Variants in DDX17 observed in about 807,000 individuals in gnomAD.
DDX17 encodes probable ATP-dependent RNA helicase DDX17.
Under a neutral mutation model 80.8 loss-of-function variants are expected in DDX17, and 10 were observed. The observed-to-expected ratio is 0.12, with a 90% CI of 0.08 to 0.21. DDX17 has a LOEUF of 0.21. Among genes scored for constraint, DDX17 ranks in the 10% least tolerant of loss-of-function variants. The pLI is 1.00. For missense variants in DDX17, 586 were observed against 957.4 expected, an observed-to-expected ratio of 0.61 and a Z score of 5.12; for synonymous variants, 339 against 336.2, an observed-to-expected ratio of 1.01 and a Z score of -0.09.
At chr22:38,503,093 G>A (rs2089846558) in intron 1 of DDX17, among the ~76,000 whole-genome samples, 1 of 152,116 alleles carries the variant, frequency 6.6e-6, no homozygotes, top group Non-Finnish European at 1.5e-5. Context: ...AGACAGTGAA[G>A]ACAAATTAAG....
Position 38,498,426 on chromosome 22 carries a change from T to C in DDX17, c.672+14A>G. On this transcript the variant is annotated intron_variant, in intron 4 of 12. Transcript: ENST00000403230. ...TTACCACAATATCAAGGATCTTCTC[T>C]TGCTCATACATACCGCCAACGTCTT... 6.2e-7 allele frequency: 1 copy of C among 1,613,888 alleles called. No homozygotes were observed. Among genetic ancestry groups the C allele is most frequent in the Non-Finnish European group, 8.5e-7 (1 of 1,179,822 alleles).
chr22:38,498,718 G>A (rs535225757), intron 3 of DDX17, 145 bp from the exon 4 acceptor site: 4 of 837,546 alleles, frequency 4.8e-6, no homozygotes, highest in East Asian at 2.7e-5. Context: ...CTAGATCTCC[G>A]ACCAACTCAC....
At chr22:38,490,534 G>A in intron 11 of DDX17, 1 of 1,037,992 alleles carries the variant, frequency 9.6e-7, no homozygotes, top group Non-Finnish European at 1.3e-6. Context: ...CCAGTGGAAA[G>A]GGAAGTGGTA....
intron 1 of DDX17, 38 bp downstream of exon 1, chr22:38,505,913 C>A: frequency 6.5e-7 from 1 of 1,530,430 alleles, no homozygotes; most frequent in Non-Finnish European, 8.8e-7. Flanking sequence ...ACTCCCCCAC[C>A]CCCACGCCAG....
chr22:38,492,509 G>A (rs2089723363), intron 10 of DDX17, among the ~76,000 whole-genome samples: 1 of 151,924 alleles, frequency 6.6e-6, no homozygotes, highest in Admixed American at 6.6e-5. Flanking sequence ...TTTTTGAGAT[G>A]GAGTTTCGCT....
chr22:38,487,116 C>G (rs2089667442), intron 12 of DDX17, among the ~76,000 whole-genome samples: 2 of 150,648 alleles, frequency 1.3e-5, no homozygotes, highest in South Asian at 4.2e-4. Flanking sequence ...TGAAGTGAGC[C>G]GAGATCGTGC....
chr22:38,498,177 C>T lies in DDX17; in HGVS notation c.673-27G>A, dbSNP rs149266326. On this transcript the variant is annotated intron_variant, in intron 4 of 12. Coordinates refer to ENST00000403230, the MANE Select transcript of DDX17 (RefSeq NM_006386.5). ...TGTGGAGGGGGGAAAGAATGACAAC[C>T]TTACGCTTAGAAGTACAATCTTACT... The T allele has an allele frequency of 5.1e-4, 826 of 1,608,332 alleles. 6 individuals are homozygous for T. The African/African-American group carries it at 0.01, about 20-fold the overall frequency.
At chr22:38,505,578 G>A (rs559573966) in intron 1 of DDX17, 3 of 228,270 alleles carry the variant, frequency 1.3e-5, no homozygotes, top group South Asian at 1.2e-4. Flanking sequence ...CCGAGGCCTG[G>A]AGACATCGAA....
Position 38,502,141 on chromosome 22 carries a change from T to C in DDX17, c.288-861A>G, listed in dbSNP as rs536805874. On this transcript the variant is annotated intron_variant, in intron 1 of 12. Coordinates refer to ENST00000403230, the MANE Select transcript of DDX17 (RefSeq NM_006386.5). ...AAAGAGCTGAGCCTGCCGGGGGCAG[T>C]GGCTCAGTCCTGTAATCCCAGCACT... is the stretch of plus-strand genomic sequence containing the variant. 2.6e-5 allele frequency among the ~76,000 whole-genome samples: 4 copies of C among 152,374 alleles called. No homozygotes were observed. In the South Asian group the frequency reaches 6.2e-4, roughly 24 times the overall value.
intron 6 of DDX17, among the ~76,000 whole-genome samples, 172 bp downstream of exon 6, chr22:38,495,624 C>T (rs1291878821): frequency 6.6e-6 from 1 of 152,146 alleles, no homozygotes; most frequent in East Asian, 1.9e-4. Flanking sequence ...ACAAAGTTTC[C>T]AGCCATGCTG....
In DDX17 at chr22:38,496,039, G is replaced by A. The variant is rs912036403; in HGVS notation, c.739-102C>T. 26 of 1,092,628 alleles carry A rather than the reference G, an allele frequency of 2.4e-5. No homozygotes were observed. The African/African-American group carries it at 2.4e-4, about 10-fold the overall frequency. The allele number at this position is 1,092,628 out of a possible 1,614,324, so 67.7% of individuals were successfully genotyped here. A position where few individuals can be genotyped will look rare whatever the true frequency, so the allele number is the denominator to read the frequency against. On this transcript the variant is annotated intron_variant, in intron 5 of 12. Coordinates refer to ENST00000403230, the MANE Select transcript of DDX17 (RefSeq NM_006386.5). ...CAAAAAGCTAATTTAATTCTTTGCT[G>A]TCTAATCTAGCACATTAAAAGTGAT...
At chr22:38,490,205 T>C (rs527598383) in intron 11 of DDX17, 1 of 1,205,046 alleles carries the variant, frequency 8.3e-7, no homozygotes, top group South Asian at 1.5e-5. Context: ...AATATTATCT[T>C]GCTGCCTTTC....
At chr22:38,495,189 C>A (rs1285685939) in intron 6 of DDX17, 143 bp from the exon 7 acceptor site, 1 of 709,796 alleles carries the variant, frequency 1.4e-6, no homozygotes. Context: ...GACCCCGACT[C>A]TACAAAAATG....
intron 8 of DDX17, 41 bp from the exon 9 acceptor site, chr22:38,494,172 T>A: frequency 3.7e-6 from 5 of 1,342,910 alleles, no homozygotes; most frequent in Non-Finnish European, 5.3e-6. Flanking sequence ...CACAGAAAGT[T>A]ATTATGTGGA....
At position 38,506,070 on chromosome 22, in the gene DDX17, T is replaced by G; in HGVS notation, c.168A>C (p.Arg56Ser). Reference sequence around the variant, plus strand: ...GGCTCGGGAGGGCCTGCGGCTCCGGTCTGGTGACGACCGATGGCGGCGGCG... The same window carrying G: ...GGCTCGGGAGGGCCTGCGGCTCCGGGCTGGTGACGACCGATGGCGGCGGCG... Residue 56 changes from arginine to serine, a missense_variant, in exon 1 of 13, where the codon AGA becomes AGC. By Grantham distance (110) the Arg-to-Ser change is moderately radical. Coordinates refer to ENST00000403230, the MANE Select transcript of DDX17 (RefSeq NM_006386.5). The G allele has an allele frequency of 6.3e-7, 1 of 1,584,682 alleles. No individual in the cohort carries two copies. Among genetic ancestry groups the G allele is most frequent in the Non-Finnish European group, 8.6e-7 (1 of 1,166,514 alleles).
intron 2 of DDX17, 29 bp from the exon 3 acceptor site, chr22:38,499,528 A>T: frequency 6.6e-7 from 1 of 1,514,896 alleles, no homozygotes; most frequent in Non-Finnish European, 9.2e-7. Flanking sequence ...AGAAGTTAGT[A>T]AACTAGTTAT....
rs1001267237 is a variant in DDX17, at chr22:38,490,058, C to T, written c.1448-1943G>A. The stretch of plus-strand genomic sequence containing the variant: ...CTAGAAGGGGGTGCTCAATAGAGGG[C>T]AGACATGATGCAAGTTCTTCATACT... On this transcript the variant is annotated intron_variant, in intron 11 of 12. Coordinates refer to ENST00000403230, the MANE Select transcript of DDX17 (RefSeq NM_006386.5). 76 of 1,067,546 alleles carry T rather than the reference C, an allele frequency of 7.1e-5. No individual in the cohort carries two copies. In the African/African-American group the frequency reaches 1.2e-3, roughly 17 times the overall value. The allele number at this position is 1,067,546 out of a possible 1,614,324, so 66.1% of individuals were successfully genotyped here.
At position 38,483,611 on chromosome 22, in the gene DDX17, G is replaced by C. The variant is rs568111564; in HGVS notation, c.*2324C>G. 6.5e-6 allele frequency: 1 copy of C among 152,712 alleles called. No individual in the cohort carries two copies. The highest frequency in any genetic ancestry group is 2.4e-5 in the African/African-American group (1 of 41,566). The allele number at this position is 152,712 out of a possible 1,614,324, so 9.5% of individuals were successfully genotyped here. On this transcript the variant is annotated 3_prime_UTR_variant, in exon 13 of 13. Transcript: ENST00000403230. ...GCAACAGGAATGTGTCTGGAGACCA[G>C]CAAGAACATCAATAGAGAGCACTGA...
intron 1 of DDX17, among the ~76,000 whole-genome samples, chr22:38,504,734 C>A (rs952907745): frequency 3.3e-5 from 5 of 152,184 alleles, no homozygotes; most frequent in Non-Finnish European, 5.9e-5. Context: ...GAGAAAATAT[C>A]GTTAACAGAG....
Sources: gnomAD v4.1 joint callset for allele counts (sites outside exome capture counted in the v4.1 genomes callset) on GRCh38, gnomAD v4.1.1 for gene constraint, MANE v1.5 for transcripts, NCBI Gene and HGNC (gene_info 2026-07-23, HGNC 2026-07-21) for gene names.